The following ADAMTS17 variants were observed in gnomAD, a reference collection of about 807,000 sequenced individuals.
The protein encoded by ADAMTS17 is ADAM metallopeptidase with thrombospondin type 1 motif 17.
ADAMTS17 carries 113 observed loss-of-function variants against 141.5 expected under a neutral mutation model. That is an observed-to-expected ratio of 0.80 (90% CI 0.69 to 0.93). The LOEUF (loss-of-function observed/expected upper bound fraction) is 0.93, where lower values mean the gene tolerates loss of function less well. ADAMTS17 is among the 40% of genes least tolerant of loss of function. The pLI, the probability that ADAMTS17 is intolerant of heterozygous loss-of-function variation, is 0.00. For synonymous variants in ADAMTS17, 768 were observed against 630.6 expected, an observed-to-expected ratio of 1.22 and a Z score of -3.27; for missense variants, 1,659 against 1,517.9, an observed-to-expected ratio of 1.09 and a Z score of -1.54.
intron 2 of ADAMTS17, among the ~76,000 whole-genome samples, chr15:100,333,584 T>C (rs997330977): frequency 6.6e-6 from 1 of 152,224 alleles, no homozygotes; most frequent in Non-Finnish European, 1.5e-5. Context: ...CTTGATTCCA[T>C]GTGGAGAGGT....
intron 3 of ADAMTS17, among the ~76,000 whole-genome samples, chr15:100,323,959 C>G (rs34978529): frequency 0.097 from 14,600 of 150,680 alleles, 1,059 homozygotes; most frequent in East Asian, 0.42. Flanking sequence ...GGGAATAAGC[C>G]AGAGCCATGA....
intron 16 of ADAMTS17, among the ~76,000 whole-genome samples, chr15:100,053,649 G>T (rs544682224): frequency 2.0e-5 from 3 of 152,254 alleles, no homozygotes; most frequent in Non-Finnish European, 4.4e-5. Flanking sequence ...TTTTGAAAAA[G>T]ATAGGAGCTC....
At chr15:100,319,405 G>A (rs992119895) in intron 3 of ADAMTS17, among the ~76,000 whole-genome samples, 2 of 152,192 alleles carry the variant, frequency 1.3e-5, no homozygotes, top group African/African-American at 2.4e-5. Context: ...AGTGTGAGCT[G>A]ACACTCCTCA....
chr15:100,238,622 T>C (rs1057138062), intron 7 of ADAMTS17, among the ~76,000 whole-genome samples: 1 of 152,160 alleles, frequency 6.6e-6, no homozygotes, highest in African/African-American at 2.4e-5. Context: ...TGGGCACAGG[T>C]CTGGCAGACA....
At chr15:100,006,156 T>G (rs1319040631) in intron 18 of ADAMTS17, among the ~76,000 whole-genome samples, 3 of 152,172 alleles carry the variant, frequency 2.0e-5, no homozygotes, top group African/African-American at 7.2e-5. Flanking sequence ...TACTGGGGGT[T>G]AGGACTTCAA....
chr15:100,093,153 C>T (rs1055194574), intron 15 of ADAMTS17, among the ~76,000 whole-genome samples: 3 of 152,030 alleles, frequency 2.0e-5, no homozygotes, highest in Admixed American at 6.5e-5. Flanking sequence ...GGGCGATAAA[C>T]GCCCTACACT....
intron 20 of ADAMTS17, 53 bp downstream of exon 20, chr15:99,992,995 C>G: frequency 2.5e-6 from 4 of 1,611,342 alleles, no homozygotes; most frequent in Non-Finnish European, 3.4e-6. Flanking sequence ...GTTCCCGACC[C>G]TCGAGCCCCC....
intron 21 of ADAMTS17, among the ~76,000 whole-genome samples, chr15:99,975,647 C>T (rs1323117504): frequency 6.6e-6 from 1 of 152,182 alleles, no homozygotes; most frequent in East Asian, 1.9e-4. Context: ...GTCTGCTGCT[C>T]AAGCATCAGC....
Position 99,974,017 on chromosome 15 carries a change from G to A in ADAMTS17, c.*385C>T, listed in dbSNP as rs1186292733. ...AATAAAGCCTTTTCTAGCATGTCTC[G>A]TTTTGGGGATGTTTCCTCCATGATA... On this transcript the variant is annotated 3_prime_UTR_variant, in exon 22 of 22. Coordinates refer to ENST00000268070, the MANE Select transcript of ADAMTS17 (RefSeq NM_139057.4). The A allele has an allele frequency of 3.7e-5, 8 of 215,462 alleles. No individual in the cohort carries two copies. Among genetic ancestry groups the A allele is most frequent in the South Asian group, 7.2e-5 (2 of 27,708 alleles). 13.3% of individuals were successfully genotyped at this position (215,462 alleles called of 1,614,324 possible).
intron 7 of ADAMTS17, among the ~76,000 whole-genome samples, chr15:100,202,702 G>A (rs375962522): frequency 3.5e-4 from 53 of 152,308 alleles, no homozygotes; most frequent in Non-Finnish European, 7.1e-4. Flanking sequence ...TACCCCCACC[G>A]TCTCAGGCTG....
intron 3 of ADAMTS17, among the ~76,000 whole-genome samples, chr15:100,330,196 T>G (rs983376938): frequency 1.3e-5 from 2 of 152,130 alleles, no homozygotes; most frequent in African/African-American, 4.8e-5. Context: ...ACACTGCATC[T>G]TAAAATCACT....
At chr15:100,178,789 T>C (rs2040424646) in intron 8 of ADAMTS17, among the ~76,000 whole-genome samples, 1 of 152,210 alleles carries the variant, frequency 6.6e-6, no homozygotes, top group Non-Finnish European at 1.5e-5. Flanking sequence ...TATTTTTTCT[T>C]CATTCCTGAA....
At chr15:100,132,212 C>G in intron 11 of ADAMTS17, 60 bp from the exon 12 acceptor site, 1 of 1,580,270 alleles carries the variant, frequency 6.3e-7, no homozygotes, top group Non-Finnish European at 8.6e-7. Context: ...CACTCCAGCC[C>G]GCCAGGCCCC....
chr15:100,222,897 G>C (rs1041281806), intron 7 of ADAMTS17, among the ~76,000 whole-genome samples: 1 of 152,174 alleles, frequency 6.6e-6, no homozygotes, highest in Non-Finnish European at 1.5e-5. Flanking sequence ...ATGGTCTTTT[G>C]AATTGTGTTC....
chr15:100,239,736 A>T (rs2042771683), intron 7 of ADAMTS17, among the ~76,000 whole-genome samples: 1 of 152,196 alleles, frequency 6.6e-6, no homozygotes, highest in Non-Finnish European at 1.5e-5. Context: ...GAGAAGGGAC[A>T]TGGTGTGGCC....
In ADAMTS17 at chr15:100,232,779, C is replaced by G. The variant is rs528775533; in HGVS notation, c.1075+21357G>C. Among the ~76,000 whole-genome samples, 12 of 152,278 alleles carry G rather than the reference C, an allele frequency of 7.9e-5. No individual in the cohort carries two copies. The East Asian group carries it at 2.3e-3, about 29-fold the overall frequency. Reference sequence around the variant, plus strand: ...TGCCCAGGCCCTCCTCTCACTGCCTCCTCACAGTTCTTCACACTGACACCA... The same window carrying G: ...TGCCCAGGCCCTCCTCTCACTGCCTGCTCACAGTTCTTCACACTGACACCA... On this transcript the variant is annotated intron_variant, in intron 7 of 21. Transcript: ENST00000268070.
chr15:100,270,352 T>C (rs1370603391), intron 4 of ADAMTS17, among the ~76,000 whole-genome samples: 1 of 152,164 alleles, frequency 6.6e-6, no homozygotes, highest in Non-Finnish European at 1.5e-5. Context: ...AGATGGCCCA[T>C]AGTTCAGCAG....
intron 15 of ADAMTS17, chr15:100,063,840 A>C: frequency 2.0e-6 from 2 of 995,254 alleles, no homozygotes; most frequent in Non-Finnish European, 2.8e-6. Context: ...GCCAAAATCT[A>C]GCTACCAAGC....
intron 8 of ADAMTS17, among the ~76,000 whole-genome samples, chr15:100,176,977 A>G (rs1238061774): frequency 6.6e-6 from 1 of 152,256 alleles, no homozygotes; most frequent in Non-Finnish European, 1.5e-5. Context: ...GTGGTATTGC[A>G]TGATATGACT....
Sources: gnomAD v4.1 joint callset for allele counts (sites outside exome capture counted in the v4.1 genomes callset) on GRCh38, gnomAD v4.1.1 for gene constraint, MANE v1.5 for transcripts, NCBI Gene and HGNC (gene_info 2026-07-23, HGNC 2026-07-21) for gene names.